The following ARHGAP6 variants were observed in gnomAD, a reference collection of about 807,000 sequenced individuals.
The protein encoded by ARHGAP6 is Rho GTPase activating protein 6, also known as rho GTPase-activating protein 6.
ARHGAP6 carries 16 observed loss-of-function variants against 55.7 expected under a neutral mutation model. That is an observed-to-expected ratio of 0.29 (90% CI 0.19 to 0.44). The LOEUF (loss-of-function observed/expected upper bound fraction) is 0.44, where lower values mean the gene tolerates loss of function less well. ARHGAP6 is among the 20% of genes least tolerant of loss of function. The pLI is 1.00. For missense variants in ARHGAP6, 698 were observed against 808.9 expected (o/e 0.86, Z 1.66); for synonymous variants, 382 against 360.9 (o/e 1.06, Z -0.66).
chrX:11,407,306 C>G lies in ARHGAP6; in HGVS notation c.589-152599G>C, dbSNP rs542015094. 1.0e-3 allele frequency among the ~76,000 whole-genome samples: 112 copies of G among 112,024 alleles called. 1 individual carries two copies. In the South Asian group the frequency reaches 0.04, roughly 40 times the overall value. ...TAGCACCATGTTTTCAAGGTTCATC[C>G]ATGTGGGAGCGTGTGTCAGTACTTC... On this transcript the variant is annotated intron_variant, in intron 1 of 12. Coordinates refer to ENST00000337414, the MANE Select transcript of ARHGAP6 (RefSeq NM_013427.3).
chrX:11,222,226 A>T (rs2046982821), intron 2 of ARHGAP6, among the ~76,000 whole-genome samples: 1 of 111,996 alleles, frequency 8.9e-6, no homozygotes, highest in African/African-American at 3.2e-5. Context: ...TATTCAAAAA[A>T]GTTTGAGAAA....
intron 1 of ARHGAP6, among the ~76,000 whole-genome samples, chrX:11,593,061 A>G (rs1227547112): frequency 8.9e-6 from 1 of 112,456 alleles, no homozygotes; most frequent in Non-Finnish European, 1.9e-5. Context: ...GTTGTTTCCT[A>G]AACAGTTTAT....
intron 1 of ARHGAP6, among the ~76,000 whole-genome samples, chrX:11,561,887 T>TGGCTA (rs1412643932): frequency 8.9e-6 from 1 of 112,033 alleles, no homozygotes; most frequent in Non-Finnish European, 1.9e-5. Flanking sequence ...TGTCCACACA[T>TGGCTA]GGCTAGGGCA....
At chrX:11,598,899 C>T (rs2051936500) in intron 1 of ARHGAP6, among the ~76,000 whole-genome samples, 1 of 110,425 alleles carries the variant, frequency 9.1e-6, no homozygotes, top group African/African-American at 3.3e-5. Context: ...TCTACAAAAA[C>T]ATTTTTAAAG....
chrX:11,326,785 G>A (rs1188562904), intron 1 of ARHGAP6, among the ~76,000 whole-genome samples: 1 of 112,117 alleles, frequency 8.9e-6, no homozygotes, highest in Non-Finnish European at 1.9e-5. Context: ...TAATATGATT[G>A]CTTACAGCTG....
At chrX:11,531,458 G>A (rs1412045804) in intron 1 of ARHGAP6, among the ~76,000 whole-genome samples, 2 of 110,873 alleles carry the variant, frequency 1.8e-5, no homozygotes, top group African/African-American at 6.6e-5. Flanking sequence ...ATCCCATGAA[G>A]CAAAACCCAT....
chrX:11,344,312 C>T (rs934271636), intron 1 of ARHGAP6, among the ~76,000 whole-genome samples: 1 of 111,223 alleles, frequency 9.0e-6, no homozygotes, highest in Non-Finnish European at 1.9e-5. Flanking sequence ...GCAAATAGTC[C>T]CTACTTGAGA....
intron 1 of ARHGAP6, among the ~76,000 whole-genome samples, chrX:11,638,175 G>A (rs1300242386): frequency 9.0e-6 from 1 of 111,357 alleles, no homozygotes; most frequent in Non-Finnish European, 1.9e-5. Context: ...CAGGGATTTA[G>A]CATCTAGGAA....
At chrX:11,344,925 A>G (rs940505818) in intron 1 of ARHGAP6, among the ~76,000 whole-genome samples, 2 of 111,626 alleles carry the variant, frequency 1.8e-5, no homozygotes, top group African/African-American at 6.5e-5. Context: ...AGATCAGATG[A>G]GAGAGCATTT....
intron 1 of ARHGAP6, among the ~76,000 whole-genome samples, chrX:11,466,777 T>G (rs992017910): frequency 2.7e-5 from 3 of 111,937 alleles, no homozygotes; most frequent in Non-Finnish European, 3.8e-5. Context: ...GTTCTGATAT[T>G]ACAGGCATGA....
intron 1 of ARHGAP6, among the ~76,000 whole-genome samples, chrX:11,265,288 C>T (rs1054530481): frequency 1.8e-5 from 2 of 112,243 alleles, no homozygotes; most frequent in Non-Finnish European, 1.9e-5. Flanking sequence ...CCAAACTGTT[C>T]CCCTAAACCC....
intron 1 of ARHGAP6, among the ~76,000 whole-genome samples, chrX:11,524,743 C>T (rs1290206129): frequency 8.1e-5 from 9 of 110,771 alleles, no homozygotes; most frequent in Admixed American, 1.9e-4. Flanking sequence ...ATGATTCAAG[C>T]GCATTACATT....
At chrX:11,249,056 G>GTA (rs2047388793) in intron 2 of ARHGAP6, among the ~76,000 whole-genome samples, 1 of 111,865 alleles carries the variant, frequency 8.9e-6, no homozygotes, top group Non-Finnish European at 1.9e-5. Context: ...AGAAACTGTG[G>GTA]TATATATATA....
At chrX:11,363,880 A>T (rs950764830) in intron 1 of ARHGAP6, among the ~76,000 whole-genome samples, 2 of 112,495 alleles carry the variant, frequency 1.8e-5, no homozygotes, top group Non-Finnish European at 3.8e-5. Context: ...AAATTGTTCT[A>T]TCATAAAGAC....
chrX:11,348,681 CCT>C (rs766341679), intron 1 of ARHGAP6, among the ~76,000 whole-genome samples: 6 of 111,747 alleles, frequency 5.4e-5, no homozygotes, highest in African/African-American at 2.0e-4. Flanking sequence ...ACGGGGACTC[CCT>C]CTGTTACCCA....
At chrX:11,376,178 ATTG>A (rs751208469) in intron 1 of ARHGAP6, among the ~76,000 whole-genome samples, 2 of 112,443 alleles carry the variant, frequency 1.8e-5, no homozygotes, top group African/African-American at 6.4e-5. Flanking sequence ...AAACTCATCT[ATTG>A]GCAGAAAGAT....
chrX:11,240,430 T>C (rs1168676701), intron 2 of ARHGAP6, among the ~76,000 whole-genome samples: 1 of 112,220 alleles, frequency 8.9e-6, no homozygotes, highest in African/African-American at 3.2e-5. Flanking sequence ...AGAGTTAACC[T>C]GGGATGAATC....
intron 1 of ARHGAP6, among the ~76,000 whole-genome samples, chrX:11,436,677 T>G (rs2049989689): frequency 8.9e-6 from 1 of 112,215 alleles, no homozygotes; most frequent in Admixed American, 9.4e-5. Flanking sequence ...AAATATGATC[T>G]ATCCATACAA....
At chrX:11,161,483 A>G (rs2023880) in intron 9 of ARHGAP6, among the ~76,000 whole-genome samples, 21,040 of 110,726 alleles carry the variant, frequency 0.19, 1,503 homozygotes, top group Middle Eastern at 0.28. Flanking sequence ...GTTTATAATT[A>G]ATATAAACTT....
Sources: allele counts gnomAD v4.1 joint callset (sites outside exome capture counted in the v4.1 genomes callset), GRCh38; gene constraint gnomAD v4.1.1; transcripts MANE v1.5; gene names NCBI Gene and HGNC (gene_info 2026-07-23, HGNC 2026-07-21).